PUM3: variants seen among roughly 807,000 people sequenced by gnomAD.
The protein encoded by PUM3 is pumilio homolog 3.
Under a neutral mutation model 84.0 loss-of-function variants are expected in PUM3, and 91 were observed. The observed-to-expected ratio is 1.08, with a 90% CI of 0.91 to 1.29. The LOEUF (loss-of-function observed/expected upper bound fraction) is 1.29. Among genes scored for constraint, PUM3 ranks in the 50% most tolerant of loss-of-function variants. The probability of loss-of-function intolerance (pLI) is 0.00; values close to 1 mark genes in which losing one functional copy is unlikely to be tolerated. For missense variants in PUM3, 1,067 were observed against 767.5 expected (o/e 1.39, Z -4.61); for synonymous variants, 321 against 266.7 (o/e 1.20, Z -1.98).
intron 13 of PUM3, 99 bp downstream of exon 13, chr9:2,819,919 C>A (rs3736389): frequency 0.042 from 28,002 of 666,628 alleles, 708 homozygotes; most frequent in East Asian, 0.099. Context: ...ATAGAAGGCA[C>A]AGCTGCAAGT....
At chr9:2,822,837 C>T (rs1351205601) in intron 12 of PUM3, among the ~76,000 whole-genome samples, 1 of 149,972 alleles carries the variant, frequency 6.7e-6, no homozygotes, top group Non-Finnish European at 1.5e-5. Flanking sequence ...TATGAGAATT[C>T]CATATTTCAC....
chr9:2,815,077 C>G (rs1821444932), intron 13 of PUM3, among the ~76,000 whole-genome samples: 1 of 152,088 alleles, frequency 6.6e-6, no homozygotes, highest in African/African-American at 2.4e-5. Flanking sequence ...GACCAGTCCC[C>G]AAATTCATTG....
chr9:2,834,157 G>A lies in PUM3; in HGVS notation c.314C>T (p.Ala105Val), dbSNP rs1816060355. ...QPDGRSDESA[A>V]KKPKWDDFKK... is the part of the protein sequence containing the mutation. Reference sequence around the variant, plus strand: ...GAAGTCATCCCATTTGGGCTTCTTGGCTGCTGATTCTAGTTATTATAGAAA... The same window carrying A: ...GAAGTCATCCCATTTGGGCTTCTTGACTGCTGATTCTAGTTATTATAGAAA... Residue 105 changes from alanine to valine, a missense_variant, in exon 4 of 18, where the codon GCC becomes GTC. Coordinates refer to ENST00000397885, the MANE Select transcript of PUM3 (RefSeq NM_014878.5). 1.2e-6 allele frequency: 2 copies of A among 1,611,120 alleles called. No homozygotes were observed. Among genetic ancestry groups the A allele is most frequent in the South Asian group, 1.1e-5 (1 of 90,510 alleles).
At position 2,844,085 on chromosome 9, in the gene PUM3, A is replaced by AC; in HGVS notation, c.-52dup. On this transcript the variant is annotated 5_prime_UTR_variant, in exon 1 of 18. Coordinates refer to ENST00000397885, the MANE Select transcript of PUM3 (RefSeq NM_014878.5). ...GAGACAGCTCGCGCAGCGGATCCCG[A>AC]CCGCCTCTCCGCTTCCGCTTCCTTG... The AC allele has an allele frequency of 6.2e-6, 1 of 160,414 alleles. No individual in the cohort carries two copies. The highest frequency in any genetic ancestry group is 1.9e-4 in the East Asian group (1 of 5,162). 9.9% of individuals were successfully genotyped at this position (160,414 alleles called of 1,614,324 possible).
intron 7 of PUM3, among the ~76,000 whole-genome samples, chr9:2,830,415 T>C (rs1347543717): frequency 6.6e-6 from 1 of 152,218 alleles, no homozygotes; most frequent in Non-Finnish European, 1.5e-5. Context: ...CCACTTAATT[T>C]AGGAAATTCT....
intron 12 of PUM3, among the ~76,000 whole-genome samples, chr9:2,821,443 C>CAAAACAAAAAA (rs1815621743): frequency 2.0e-5 from 1 of 50,130 alleles, no homozygotes; most frequent in Non-Finnish European, 3.7e-5. Context: ...GACTCTGTCT[C>CAAAACAAAAAA]AAAAAAAAAA....
At chr9:2,818,253 C>CA (rs1821514830) in intron 13 of PUM3, among the ~76,000 whole-genome samples, 2 of 152,202 alleles carry the variant, frequency 1.3e-5, no homozygotes. Context: ...GAACGTTTGT[C>CA]AGTTACAGGA....
At chr9:2,823,712 T>G in intron 12 of PUM3, 69 bp downstream of exon 12, 1 of 669,820 alleles carries the variant, frequency 1.5e-6, no homozygotes. Flanking sequence ...TTTTCCAAAT[T>G]TTCTATAATA....
chr9:2,823,682 T>A (rs1815728970), intron 12 of PUM3, 99 bp downstream of exon 12: 1 of 520,798 alleles, frequency 1.9e-6, no homozygotes, highest in Admixed American at 3.7e-5. Context: ...AATAATTTTC[T>A]GCTTGGTAAT....
chr9:2,810,422 C>T lies in PUM3; in HGVS notation c.1645G>A (p.Ala549Thr). ...PGGKDGELHI[A>T]EHPAGHLVLK... is the part of the protein sequence containing the mutation. ...ACTAGATGTCCTGCAGGATGTTCTG[C>T]AATGTGAAGCTATGAAGGGTCAAGA... The change falls in exon 16 of 18, where the codon GCA (alanine) becomes ACA (threonine). Residue 549 changes from alanine (A) to threonine (T), a missense_variant. Ala to Thr is a moderately conservative substitution (Grantham distance 58). Coordinates refer to ENST00000397885, the MANE Select transcript of PUM3 (RefSeq NM_014878.5). 1 of 1,606,884 alleles carries T rather than the reference C, an allele frequency of 6.2e-7. No homozygotes were observed. The highest frequency in any genetic ancestry group is 8.5e-7 in the Non-Finnish European group (1 of 1,176,302).
chr9:2,841,454 G>C (rs1816265184), intron 1 of PUM3, among the ~76,000 whole-genome samples: 1 of 152,108 alleles, frequency 6.6e-6, no homozygotes, highest in Non-Finnish European at 1.5e-5. Context: ...TGTAATCCCA[G>C]CTACTCAGGG....
rs1738000629 is a variant in PUM3, at chr9:2,830,038, C to CCCAAG, written c.678-91_678-90insCTTGG. ...CAACTTACTTCTCCCAAGACCAACT[C>CCCAAG]ATCAATCTGTGTCACTCTGAGGAGT... On this transcript the variant is annotated intron_variant, in intron 7 of 17. Coordinates refer to ENST00000397885, the MANE Select transcript of PUM3 (RefSeq NM_014878.5). 2.6e-6 allele frequency: 3 copies of CCCAAG among 1,145,868 alleles called. No homozygotes were observed. In the South Asian group the frequency reaches 4.2e-5, roughly 16 times the overall value. The allele number at this position is 1,145,868 out of a possible 1,614,324, so 71.0% of individuals were successfully genotyped here. A position where few individuals can be genotyped will look rare whatever the true frequency, so the allele number is the denominator to read the frequency against.
chr9:2,812,422 C>T, intron 13 of PUM3, 60 bp from the exon 14 acceptor site: 2 of 1,153,230 alleles, frequency 1.7e-6, no homozygotes, highest in East Asian at 2.5e-5. Flanking sequence ...CAAAGTACCA[C>T]AGGACCTTTC....
intron 1 of PUM3, among the ~76,000 whole-genome samples, chr9:2,840,252 AC>A (rs1478386266): frequency 2.0e-5 from 3 of 152,244 alleles, no homozygotes; most frequent in Non-Finnish European, 2.9e-5. Context: ...TGAAGTTGCC[AC>A]TTTAACCTTT....
At chr9:2,837,480 A>T in intron 2 of PUM3, 79 bp from the exon 3 acceptor site, 1 of 938,518 alleles carries the variant, frequency 1.1e-6, no homozygotes, top group Non-Finnish European at 1.6e-6. Context: ...CCATTACAGA[A>T]AATTATACTT....
At chr9:2,842,081 A>C (rs906624256) in intron 1 of PUM3, among the ~76,000 whole-genome samples, 1 of 152,200 alleles carries the variant, frequency 6.6e-6, no homozygotes, top group African/African-American at 2.4e-5. Context: ...TTATACATGG[A>C]ATCATACAAT....
chr9:2,841,559 C>T (rs1158592664), intron 1 of PUM3, among the ~76,000 whole-genome samples: 4 of 152,142 alleles, frequency 2.6e-5, no homozygotes, highest in African/African-American at 7.2e-5. Flanking sequence ...CAGAGTGAGA[C>T]TCTATTTCAA....
chr9:2,818,605 CTG>C (rs897790248), intron 13 of PUM3, among the ~76,000 whole-genome samples: 5 of 152,206 alleles, frequency 3.3e-5, no homozygotes, highest in Admixed American at 1.3e-4. Flanking sequence ...CCTCACATCT[CTG>C]TCACAAGAAT....
chr9:2,841,423 G>T (rs10733432), intron 1 of PUM3, among the ~76,000 whole-genome samples: 4 of 151,796 alleles, frequency 2.6e-5, no homozygotes, highest in South Asian at 2.1e-4. Context: ...AATTTAGCTG[G>T]GCATGGTGGT....
Sources: gnomAD v4.1 joint callset for allele counts (sites outside exome capture counted in the v4.1 genomes callset) on GRCh38, gnomAD v4.1.1 for gene constraint, MANE v1.5 for transcripts, NCBI Gene and HGNC (gene_info 2026-07-23, HGNC 2026-07-21) for gene names.